Variants in NTM observed in about 807,000 individuals in gnomAD.
NTM encodes IgLON family member 2.
In NTM, 13 loss-of-function variants were observed where a neutral mutation model predicts 42.1. The ratio of observed to expected loss-of-function variants is 0.31; its 90% CI spans 0.20 to 0.49. NTM has a LOEUF of 0.49. Among genes scored for constraint, NTM ranks in the 20% least tolerant of loss-of-function variants. The pLI, the probability that NTM is intolerant of heterozygous loss-of-function variation, is 0.99. For synonymous variants in NTM, 187 were observed against 179.2 expected, an observed-to-expected ratio of 1.04 and a Z score of -0.35; for missense variants, 373 against 452.8, an observed-to-expected ratio of 0.82 and a Z score of 1.60.
At chr11:131,645,600 C>T (rs777133126) in intron 1 of NTM, among the ~76,000 whole-genome samples, 2 of 152,208 alleles carry the variant, frequency 1.3e-5, no homozygotes, top group Non-Finnish European at 2.9e-5. Context: ...TCTATGAAGC[C>T]TTCATCTAAA....
rs190056554 is a variant in NTM at position 131,661,603 on chromosome 11, G to A, written c.83-249961G>A. Among the ~76,000 whole-genome samples, 13 of 152,268 alleles carry A rather than the reference G, an allele frequency of 8.5e-5. No homozygotes were observed. The East Asian group carries it at 2.1e-3, about 25-fold the overall frequency. ...TTACTTTCTCTTTAGCATGAGGCAG[G>A]GTAGATTTCTAAAAGAGCTGGGGGC... On this transcript the variant is annotated intron_variant, in intron 1 of 8. Coordinates refer to ENST00000683400, the MANE Select transcript of NTM (RefSeq NM_001352005.2).
At chr11:132,152,119 C>G (rs558125004) in intron 3 of NTM, among the ~76,000 whole-genome samples, 1 of 152,328 alleles carries the variant, frequency 6.6e-6, no homozygotes, top group African/African-American at 2.4e-5. Flanking sequence ...TGAATCTGAA[C>G]TGAAGGTAAT....
At chr11:132,172,097 A>T (rs1343718084) in intron 3 of NTM, among the ~76,000 whole-genome samples, 2 of 152,208 alleles carry the variant, frequency 1.3e-5, no homozygotes, top group Non-Finnish European at 2.9e-5. Flanking sequence ...GACTGCCTTC[A>T]TTTGAGTTAA....
At chr11:132,139,337 G>T (rs1164399955) in intron 2 of NTM, among the ~76,000 whole-genome samples, 1 of 152,118 alleles carries the variant, frequency 6.6e-6, no homozygotes, top group Non-Finnish European at 1.5e-5. Flanking sequence ...TCAAAAAAAT[G>T]GCTTGTGGGA....
intron 1 of NTM, among the ~76,000 whole-genome samples, chr11:131,421,381 C>T (rs956631679): frequency 9.2e-5 from 14 of 152,174 alleles, no homozygotes; most frequent in Admixed American, 2.0e-4. Context: ...GCCTGGAGGC[C>T]GGTGTGCAGC....
At chr11:131,417,909 A>G (rs1388191119) in intron 1 of NTM, among the ~76,000 whole-genome samples, 1 of 152,222 alleles carries the variant, frequency 6.6e-6, no homozygotes, top group Non-Finnish European at 1.5e-5. Context: ...AAAACAGTCC[A>G]TGGTGGAAAG....
chr11:131,610,744 G>C (rs184264921), intron 1 of NTM, among the ~76,000 whole-genome samples: 24 of 152,298 alleles, frequency 1.6e-4, no homozygotes, highest in Non-Finnish European at 2.1e-4. Context: ...GGAGGAGGGC[G>C]TGAGTAGTAG....
intron 1 of NTM, among the ~76,000 whole-genome samples, chr11:131,718,889 G>A (rs530772024): frequency 6.6e-6 from 1 of 152,218 alleles, no homozygotes; most frequent in South Asian, 2.1e-4. Flanking sequence ...CATCTCTCAG[G>A]AGTAATTATA....
At chr11:131,381,541 AT>A (rs201763980) in intron 1 of NTM, among the ~76,000 whole-genome samples, 17 of 151,984 alleles carry the variant, frequency 1.1e-4, no homozygotes, top group Middle Eastern at 3.4e-3. Context: ...CCATATTGTC[AT>A]TTTTTTTCCG....
chr11:131,638,563 CAAAAAAAAAA>C (rs58374119), intron 1 of NTM, among the ~76,000 whole-genome samples: 3 of 53,330 alleles, frequency 5.6e-5, no homozygotes, highest in Non-Finnish European at 1.0e-4. Flanking sequence ...GAGACTCCTT[CAAAAAAAAAA>C]AAAAAAAAAA....
chr11:132,148,767 T>C (rs2137383063), intron 3 of NTM, among the ~76,000 whole-genome samples: 1 of 152,272 alleles, frequency 6.6e-6, no homozygotes, highest in Non-Finnish European at 1.5e-5. Flanking sequence ...CCAGGTGATC[T>C]TATATGGGCT....
At chr11:132,034,922 T>C (rs1367119772) in intron 2 of NTM, among the ~76,000 whole-genome samples, 2 of 152,134 alleles carry the variant, frequency 1.3e-5, no homozygotes, top group Non-Finnish European at 2.9e-5. Context: ...GCACATAAAC[T>C]CCAGAGGGAT....
At position 132,197,894 on chromosome 11, in the gene NTM, A is replaced by G. The variant is rs570010682; in HGVS notation, c.401-14128A>G. Among the ~76,000 whole-genome samples, 5 of 151,994 alleles carry G rather than the reference A, an allele frequency of 3.3e-5. No homozygotes were observed. In the South Asian group the frequency reaches 1.0e-3, roughly 32 times the overall value. ...GTGCCACATTTTCTTCATCCAGTCT[A>G]TCATTGTTGGACATTTGGATTGGTT... On this transcript the variant is annotated intron_variant, in intron 3 of 8. Coordinates refer to ENST00000683400, the MANE Select transcript of NTM (RefSeq NM_001352005.2).
intron 2 of NTM, among the ~76,000 whole-genome samples, chr11:131,977,116 A>G (rs2064512232): frequency 6.6e-6 from 1 of 152,238 alleles, no homozygotes; most frequent in South Asian, 2.1e-4. Flanking sequence ...GGCTTATCAC[A>G]CACTGAGGAA....
chr11:131,900,997 G>C (rs902784210), intron 1 of NTM, among the ~76,000 whole-genome samples: 3 of 152,188 alleles, frequency 2.0e-5, no homozygotes, highest in African/African-American at 4.8e-5. Flanking sequence ...AAGGATCATA[G>C]CTTGGGAACT....
At chr11:131,493,657 C>A (rs1237260015) in intron 1 of NTM, among the ~76,000 whole-genome samples, 1 of 152,128 alleles carries the variant, frequency 6.6e-6, no homozygotes, top group Non-Finnish European at 1.5e-5. Context: ...ATACTGGTAC[C>A]CCCATTTCAC....
chr11:131,559,168 G>A (rs947194325), intron 1 of NTM, among the ~76,000 whole-genome samples: 2 of 152,148 alleles, frequency 1.3e-5, no homozygotes, highest in Non-Finnish European at 1.5e-5. Context: ...CGTGTTTTGC[G>A]GCTGACTTGG....
At chr11:131,470,871 A>G (rs1260022092) in intron 1 of NTM, among the ~76,000 whole-genome samples, 2 of 152,204 alleles carry the variant, frequency 1.3e-5, no homozygotes, top group Non-Finnish European at 2.9e-5. Context: ...AGTGATGCCT[A>G]TGAACACTTG....
intron 1 of NTM, among the ~76,000 whole-genome samples, chr11:131,605,143 C>A (rs1281290634): frequency 6.6e-6 from 1 of 150,734 alleles, no homozygotes; most frequent in Non-Finnish European, 1.5e-5. Flanking sequence ...GTGAATCAAT[C>A]AATACATTTA....
Sources: gnomAD v4.1 joint callset for allele counts (sites outside exome capture counted in the v4.1 genomes callset) on GRCh38, gnomAD v4.1.1 for gene constraint, MANE v1.5 for transcripts, NCBI Gene and HGNC (gene_info 2026-07-23, HGNC 2026-07-21) for gene names.